RIT2: variants seen among roughly 807,000 people sequenced by gnomAD.
The protein encoded by RIT2 is Ras like without CAAX 2, also known as GTP-binding protein Rit2.
A neutral mutation model predicts 23.7 loss-of-function variants in RIT2; 24 were observed. The ratio of observed to expected loss-of-function variants is 1.01; its 90% CI spans 0.73 to 1.43. The LOEUF is 1.43. Ranked by LOEUF, RIT2 falls within the 40% of genes most tolerant of loss-of-function variation. The pLI is 0.00. For synonymous variants in RIT2, 107 were observed against 91.1 expected (o/e 1.17, Z -0.99); for missense variants, 236 against 266.9 (o/e 0.88, Z 0.81).
chr18:43,096,663 T>G (rs1332869600), intron 1 of RIT2, among the ~76,000 whole-genome samples: 1 of 151,904 alleles, frequency 6.6e-6, no homozygotes, highest in Non-Finnish European at 1.5e-5. Context: ...GTTTGGTGAT[T>G]AAATATATTT....
intron 2 of RIT2, among the ~76,000 whole-genome samples, chr18:42,982,188 G>T (rs536603179): frequency 5.9e-5 from 9 of 152,294 alleles, no homozygotes; most frequent in Admixed American, 3.9e-4. Context: ...AGAACTTGGG[G>T]AGCTGCTGGT....
At chr18:43,086,757 T>C (rs11664459) in intron 1 of RIT2, among the ~76,000 whole-genome samples, 140,589 of 152,058 alleles carry the variant, frequency 0.92, 65,919 homozygotes, top group East Asian at 1. Flanking sequence ...ACCTCCTGGA[T>C]GAAAAGATCA....
intron 4 of RIT2, among the ~76,000 whole-genome samples, chr18:42,860,905 T>C (rs901866883): frequency 6.6e-6 from 1 of 152,184 alleles, no homozygotes; most frequent in Non-Finnish European, 1.5e-5. Flanking sequence ...TCTTAAAACC[T>C]ATCTATCTCT....
intron 4 of RIT2, among the ~76,000 whole-genome samples, chr18:42,834,230 TCTTAC>T (rs1568008161): frequency 6.6e-6 from 1 of 152,136 alleles, no homozygotes; most frequent in Non-Finnish European, 1.5e-5. Context: ...TGTCCAAGAT[TCTTAC>T]CTGGTTTGCT....
intron 1 of RIT2, among the ~76,000 whole-genome samples, chr18:43,101,123 A>G (rs1913674433): frequency 6.6e-6 from 1 of 151,982 alleles, no homozygotes; most frequent in South Asian, 2.1e-4. Flanking sequence ...TAGACTTTTA[A>G]TTGAGGACTA....
At chr18:43,066,601 C>T (rs914647157) in intron 1 of RIT2, among the ~76,000 whole-genome samples, 2 of 152,028 alleles carry the variant, frequency 1.3e-5, no homozygotes, top group Non-Finnish European at 2.9e-5. Context: ...ATGGTTGTGT[C>T]ATAAAGAAAC....
At chr18:42,889,098 G>GA (rs958075705) in intron 4 of RIT2, among the ~76,000 whole-genome samples, 62 of 151,782 alleles carry the variant, frequency 4.1e-4, no homozygotes, top group African/African-American at 1.5e-3. Context: ...TAAAAAGATT[G>GA]AAAAAACTAA....
At chr18:43,042,259 T>C (rs1568064610) in intron 1 of RIT2, among the ~76,000 whole-genome samples, 1 of 152,180 alleles carries the variant, frequency 6.6e-6, no homozygotes, top group Non-Finnish European at 1.5e-5. Flanking sequence ...GGAAGAGAGA[T>C]AACTTAAAAC....
Position 43,064,668 on chromosome 18 carries a change from T to A in RIT2, c.104-30801A>T, listed in dbSNP as rs530089724. Among the ~76,000 whole-genome samples the A allele has an allele frequency of 2.6e-5, 4 of 152,148 alleles. No homozygotes were observed. The East Asian group carries it at 5.8e-4, about 22-fold the overall frequency. On this transcript the variant is annotated intron_variant, in intron 1 of 4. Transcript: ENST00000326695. ...TAACAATGAAGTTCTGAAAGAACAA[T>A]GGTCCCTATAAGGACACTTTTCAAA...
At chr18:42,855,855 TCTA>T (rs1242472892) in intron 4 of RIT2, among the ~76,000 whole-genome samples, 3 of 152,176 alleles carry the variant, frequency 2.0e-5, no homozygotes, top group African/African-American at 7.2e-5. Flanking sequence ...TTGATAAACA[TCTA>T]CTATACATAG....
At position 43,049,307 on chromosome 18, in the gene RIT2, C is replaced by T. The variant is rs182673672; in HGVS notation, c.104-15440G>A. Among the ~76,000 whole-genome samples, 13 of 152,250 alleles carry T rather than the reference C, an allele frequency of 8.5e-5. No individual in the cohort carries two copies. The East Asian group carries it at 2.5e-3, about 29-fold the overall frequency. The stretch of plus-strand genomic sequence containing the variant: ...AACAGTGTCAGTGGAGCTAAATTCT[C>T]GTAACTTCAAATGCTGCTTCATTAA... On this transcript the variant is annotated intron_variant, in intron 1 of 4. Coordinates refer to ENST00000326695, the MANE Select transcript of RIT2 (RefSeq NM_002930.4).
At chr18:43,090,958 C>T (rs546426374) in intron 1 of RIT2, among the ~76,000 whole-genome samples, 1 of 151,942 alleles carries the variant, frequency 6.6e-6, no homozygotes, top group African/African-American at 2.4e-5. Flanking sequence ...ATAATCTGTA[C>T]AGCAAACCCC....
chr18:42,762,175 C>T (rs1242768329), intron 4 of RIT2, among the ~76,000 whole-genome samples: 1 of 152,116 alleles, frequency 6.6e-6, no homozygotes, highest in Non-Finnish European at 1.5e-5. Flanking sequence ...CCTTTATAAA[C>T]AGATCCAGAA....
chr18:43,070,393 T>C (rs1369914045), intron 1 of RIT2, among the ~76,000 whole-genome samples: 1 of 152,186 alleles, frequency 6.6e-6, no homozygotes, highest in Non-Finnish European at 1.5e-5. Flanking sequence ...ATTTCTTCAT[T>C]TATATTAATG....
At chr18:42,919,392 G>A (rs552341900) in intron 4 of RIT2, among the ~76,000 whole-genome samples, 1 of 152,082 alleles carries the variant, frequency 6.6e-6, no homozygotes, top group Non-Finnish European at 1.5e-5. Flanking sequence ...GTACCGAAAG[G>A]TTTGTCTATC....
chr18:43,111,141 T>G (rs77483134), intron 1 of RIT2, among the ~76,000 whole-genome samples: 1 of 152,166 alleles, frequency 6.6e-6, no homozygotes, highest in Non-Finnish European at 1.5e-5. Context: ...GATCCAGTCA[T>G]TTGCAACAGC....
intron 1 of RIT2, among the ~76,000 whole-genome samples, chr18:43,040,533 T>G (rs1568064154): frequency 6.6e-6 from 1 of 152,118 alleles, no homozygotes; most frequent in Non-Finnish European, 1.5e-5. Context: ...TCTGAGTTCT[T>G]TATGAAAAAT....
intron 4 of RIT2, among the ~76,000 whole-genome samples, chr18:42,840,242 C>G (rs1361819927): frequency 6.6e-6 from 1 of 152,148 alleles, no homozygotes; most frequent in Non-Finnish European, 1.5e-5. Flanking sequence ...GAATAAATAG[C>G]CTTTGCTTAT....
intron 1 of RIT2, among the ~76,000 whole-genome samples, chr18:43,107,881 T>C (rs1291837564): frequency 2.0e-5 from 3 of 151,926 alleles, no homozygotes; most frequent in South Asian, 4.1e-4. Flanking sequence ...CATGAAAATG[T>C]GGCCGGGTGC....
Sources: gnomAD v4.1 joint callset for allele counts (sites outside exome capture counted in the v4.1 genomes callset) on GRCh38, gnomAD v4.1.1 for gene constraint, MANE v1.5 for transcripts, NCBI Gene and HGNC (gene_info 2026-07-23, HGNC 2026-07-21) for gene names.